Variants in NAPRT observed in about 807,000 individuals in gnomAD.
The protein encoded by NAPRT is FHA-HIT-interacting protein.
A neutral mutation model predicts 60.7 loss-of-function variants in NAPRT; 66 were observed. That is an observed-to-expected ratio of 1.09 (90% CI 0.89 to 1.33). The LOEUF is 1.33. Ranked by LOEUF, NAPRT falls within the 40% of genes most tolerant of loss-of-function variation. The pLI, the probability that NAPRT is intolerant of heterozygous loss-of-function variation, is 0.00. For synonymous variants in NAPRT, 405 were observed against 335.7 expected (o/e 1.21, Z -2.26); for missense variants, 818 against 731.5 (o/e 1.12, Z -1.36).
At position 143,576,505 on chromosome 8, in the gene NAPRT, C is replaced by T. The variant is rs775060116; in HGVS notation, c.949G>A (p.Val317Met). The T allele has an allele frequency of 1.6e-5, 25 of 1,612,486 alleles. No homozygotes were observed. The highest frequency in any genetic ancestry group is 6.7e-5 in the Admixed American group (4 of 59,960). ...AGCAGGTCACCACTGTCCAGCCTCA[C>T]GCCCACTGCCCGGTAGCCCAGCTCT... ...LGELGYRAVG[V>M]RLDSGDLLQQ... Residue 317 changes from valine to methionine, a missense_variant, in exon 7 of 13, where the codon GTG becomes ATG. Val to Met is a conservative substitution (Grantham distance 21). Coordinates refer to ENST00000449291, the MANE Select transcript of NAPRT (RefSeq NM_145201.6).
In NAPRT at chr8:143,577,998, C is replaced by G. The variant is rs1431114511; in HGVS notation, c.227-55G>C. On this transcript the variant is annotated intron_variant, in intron 1 of 12. Transcript: ENST00000449291. ...GCGCGGGGACAGACCGGTCGTGGGACATGGGGGGTTCCACGGGGGGACAAG... is the reference window on the plus strand; with the variant it reads ...GCGCGGGGACAGACCGGTCGTGGGAGATGGGGGGTTCCACGGGGGGACAAG... The G allele has an allele frequency of 3.0e-5, 47 of 1,564,976 alleles. No individual in the cohort carries two copies. The South Asian group carries it at 4.2e-4, about 14-fold the overall frequency.
intron 9 of NAPRT, 45 bp from the exon 10 acceptor site, chr8:143,575,570 CA>C: frequency 6.3e-7 from 1 of 1,592,682 alleles, no homozygotes; most frequent in African/African-American, 1.3e-5. Flanking sequence ...ATCCCCCACC[CA>C]GCACCATCCC....
downstream of NAPRT, among the ~76,000 whole-genome samples, chr8:143,574,363 T>C (rs1459986699): frequency 6.6e-6 from 1 of 152,182 alleles, no homozygotes; most frequent in Non-Finnish European, 1.5e-5. Flanking sequence ...TTGAGACGTC[T>C]TCACTGACCC....
In NAPRT at chr8:143,575,392, G is replaced by A. The variant is rs201394698; in HGVS notation, c.1291+31C>T. The A allele has an allele frequency of 3.3e-5, 53 of 1,596,448 alleles. No homozygotes were observed. In the East Asian group the frequency reaches 1.1e-3, roughly 34 times the overall value. On this transcript the variant is annotated intron_variant, in intron 10 of 12. Coordinates refer to ENST00000449291, the MANE Select transcript of NAPRT (RefSeq NM_145201.6). ...AAGCGGGGGCCCTGGTGCTTTGAAG[G>A]TGGACAGCAGGGGGGATGGGAGGGC... is the stretch of plus-strand genomic sequence containing the variant.
intron 8 of NAPRT, 78 bp downstream of exon 8, chr8:143,576,000 G>T: frequency 8.3e-7 from 1 of 1,209,658 alleles, no homozygotes; most frequent in East Asian, 2.5e-5. Context: ...GAAGGAGGTG[G>T]CAATGAGCCC....
chr8:143,574,648 G>A, downstream of NAPRT: 1 of 709,860 alleles, frequency 1.4e-6, no homozygotes, highest in Non-Finnish European at 2.5e-6. Context: ...TCCCACGCCG[G>A]CAGGGCCTGT....
chr8:143,578,173 G>A lies in NAPRT; in HGVS notation c.146C>T (p.Pro49Leu). Residue 49 changes from proline (P) to leucine (L), a missense_variant, in exon 1 of 13, where the codon CCG becomes CTG. Transcript: ENST00000449291. ...AEFELFFRRC[P>L]FGGAFALAAG... ...GGCCAAGGCGAAGGCGCCGCCGAAC[G>A]GGCAGCGGCGGAAGAAGAGCTCGAA... The A allele has an allele frequency of 2.6e-6, 4 of 1,516,126 alleles. No homozygotes were observed. Among genetic ancestry groups the A allele is most frequent in the South Asian group, 1.2e-5 (1 of 81,596 alleles). 93.9% of individuals were successfully genotyped at this position (1,516,126 alleles called of 1,614,324 possible).
At chr8:143,574,446 C>T (rs1156766634), downstream of NAPRT, among the ~76,000 whole-genome samples, 1 of 152,176 alleles carries the variant, frequency 6.6e-6, no homozygotes, top group South Asian at 2.1e-4. Flanking sequence ...CCTGGCACTA[C>T]CCCCAACCCT....
Position 143,577,705 on chromosome 8 carries a change from AC to A in NAPRT, c.388del (p.Val130TrpfsTer28), listed in dbSNP as rs1188647833. On this transcript the variant is annotated frameshift_variant, in exon 3 of 13. Coordinates refer to ENST00000449291, the MANE Select transcript of NAPRT (RefSeq NM_145201.6). LOFTEE classifies it high-confidence loss of function. Reference protein sequence around the residue: ...PLLQVSGPLLVVQLLETPLLC... With the variant: ...PLLQVSGPLLXVQLLETPLLC... ...CAGCGGTGTCTCCAGCAGCTGCACC[AC>A]CAGGAGCGGCCCGGACACCTGCAGG... is the stretch of plus-strand genomic sequence containing the variant. 2 of 1,544,688 alleles carry A rather than the reference AC, an allele frequency of 1.3e-6. No individual in the cohort carries two copies. Among genetic ancestry groups the A allele is most frequent in the South Asian group, 1.2e-5 (1 of 84,386 alleles).
At chr8:143,575,387 T>C (rs1824361376) in intron 10 of NAPRT, 36 bp downstream of exon 10, 1 of 1,596,258 alleles carries the variant, frequency 6.3e-7, no homozygotes, top group Non-Finnish European at 8.6e-7. Flanking sequence ...CCTGGTGCTT[T>C]GAAGGTGGAC....
At position 143,577,978 on chromosome 8, in the gene NAPRT, G is replaced by T. The variant is rs768237355; in HGVS notation, c.227-35C>A. The T allele has an allele frequency of 1.3e-6, 2 of 1,590,584 alleles. 1 individual carries two copies. The highest frequency in any genetic ancestry group is 2.3e-5 in the South Asian group (2 of 88,702). ...AGGTAACTGCGCTGAGACCAGCGCG[G>T]GGACAGACCGGTCGTGGGACATGGG... On this transcript the variant is annotated intron_variant, in intron 1 of 12. Transcript: ENST00000449291.
At position 143,575,978 on chromosome 8, in the gene NAPRT, G is replaced by T. The variant is rs1824427381; in HGVS notation, c.1107+100C>A. The T allele has an allele frequency of 7.9e-6, 8 of 1,015,250 alleles. No homozygotes were observed. In the South Asian group the frequency reaches 1.3e-4, roughly 17 times the overall value. The allele number at this position is 1,015,250 out of a possible 1,614,324, so 62.9% of individuals were successfully genotyped here. ...CCTGGGTGGGGAAGGGGGTGGCAGTGCCCTGGGCGGGGAAGGAGGTGGCAA... is the reference window on the plus strand; with the variant it reads ...CCTGGGTGGGGAAGGGGGTGGCAGTTCCCTGGGCGGGGAAGGAGGTGGCAA... On this transcript the variant is annotated intron_variant, in intron 8 of 12. Transcript: ENST00000449291.
intron 8 of NAPRT, 79 bp from the exon 9 acceptor site, chr8:143,575,781 A>AGGTGGCAGTGCCCTGGGTGGGGAAGGG: frequency 3.0e-6 from 1 of 337,782 alleles, no homozygotes; most frequent in Non-Finnish European, 4.2e-6. Flanking sequence ...GTGGGGAAGG[A>AGGTGGCAGTGCCCTGGGTGGGGAAGGG]GGTGGCACTG....
Position 143,578,179 on chromosome 8 carries a change from C to T in NAPRT, c.140G>A (p.Arg47His), listed in dbSNP as rs1040605218. 7 of 1,515,324 alleles carry T rather than the reference C, an allele frequency of 4.6e-6. No individual in the cohort carries two copies. Among genetic ancestry groups the T allele is most frequent in the African/African-American group, 4.3e-5 (3 of 69,624 alleles). The allele number at this position is 1,515,324 out of a possible 1,614,324, so 93.9% of individuals were successfully genotyped here. A position where few individuals can be genotyped will look rare whatever the true frequency, so the allele number is the denominator to read the frequency against. The change falls in exon 1 of 13, where the codon CGC (arginine) becomes CAC (histidine). Residue 47 changes from arginine (R) to histidine (H), a missense_variant. Transcript: ENST00000449291. ...GGCGAAGGCGCCGCCGAACGGGCAG[C>T]GGCGGAAGAAGAGCTCGAACTCGGC... ...DAAEFELFFRRCPFGGAFALA... is the reference protein window; with the variant it reads ...DAAEFELFFRHCPFGGAFALA...
In NAPRT at chr8:143,577,955, G is replaced by T. The variant is rs752925210; in HGVS notation, c.227-12C>A. The T allele has an allele frequency of 6.2e-7, 1 of 1,606,240 alleles. No individual in the cohort carries two copies. Among genetic ancestry groups the T allele is most frequent in the Admixed American group, 1.7e-5 (1 of 59,618 alleles). Reference sequence around the variant, plus strand: ...CAGGAACTGCACGTCTGGAAACGAGGTAACTGCGCTGAGACCAGCGCGGGG... The same window carrying T: ...CAGGAACTGCACGTCTGGAAACGAGTTAACTGCGCTGAGACCAGCGCGGGG... On this transcript the variant is annotated splice_polypyrimidine_tract_variant and intron_variant, in intron 1 of 12. Transcript: ENST00000449291.
chr8:143,574,542 G>A (rs1824286311), downstream of NAPRT: 9 of 577,198 alleles, frequency 1.6e-5, no homozygotes, highest in South Asian at 1.8e-4. Context: ...CTCCCTGCCT[G>A]TGGCTTTGTA....
Position 143,576,356 on chromosome 8 carries a change from C to T in NAPRT, c.1022+76G>A, listed in dbSNP as rs898671259. On this transcript the variant is annotated intron_variant, in intron 7 of 12. Transcript: ENST00000449291. ...TCACCGCTGAAACTTCAGCAGAGTACCTCACTGTCCTTCCCTGCCCATTCC... is the reference window on the plus strand; with the variant it reads ...TCACCGCTGAAACTTCAGCAGAGTATCTCACTGTCCTTCCCTGCCCATTCC... The T allele has an allele frequency of 2.5e-5, 39 of 1,531,426 alleles. 1 individual carries two copies. The South Asian group carries it at 4.5e-4, about 18-fold the overall frequency. The allele number at this position is 1,531,426 out of a possible 1,614,324, so 94.9% of individuals were successfully genotyped here.
downstream of NAPRT, chr8:143,574,666 C>T (rs1390064149): frequency 2.6e-6 from 2 of 779,530 alleles, no homozygotes; most frequent in South Asian, 1.7e-5. Flanking sequence ...TGTGCTTTCA[C>T]TGGGATGCAA....
At chr8:143,575,139 G>C (rs374169348) in intron 11 of NAPRT, 46 bp from the exon 12 acceptor site, 9 of 1,573,294 alleles carry the variant, frequency 5.7e-6, no homozygotes, top group Non-Finnish European at 7.8e-6. Flanking sequence ...CTAGCTCCCA[G>C]TCAGGGCTCT....
Sources: gnomAD v4.1 joint callset for allele counts (sites outside exome capture counted in the v4.1 genomes callset) on GRCh38, gnomAD v4.1.1 for gene constraint, MANE v1.5 for transcripts, NCBI Gene and HGNC (gene_info 2026-07-23, HGNC 2026-07-21) for gene names.